ADAMTS19: variants seen among roughly 807,000 people sequenced by gnomAD.
ADAMTS19 encodes the protein A disintegrin and metalloproteinase with thrombospondin motifs 19.
A neutral mutation model predicts 153.3 loss-of-function variants in ADAMTS19; 93 were observed. The ratio of observed to expected loss-of-function variants is 0.61; its 90% CI spans 0.51 to 0.72. ADAMTS19 has a LOEUF of 0.72. ADAMTS19 is among the 30% of genes least tolerant of loss of function. The pLI is 0.00. For synonymous variants in ADAMTS19, 600 were observed against 556.6 expected (o/e 1.08, Z -1.10); for missense variants, 1,482 against 1,552.1 (o/e 0.95, Z 0.76).
intron 18 of ADAMTS19, among the ~76,000 whole-genome samples, chr5:129,686,906 T>C (rs1416204647): frequency 6.6e-6 from 1 of 152,154 alleles, no homozygotes; most frequent in Non-Finnish European, 1.5e-5. Flanking sequence ...TCAGTGGCCA[T>C]GTTTCTCTTC....
chr5:129,616,386 C>T (rs982377741), intron 8 of ADAMTS19, among the ~76,000 whole-genome samples: 1 of 151,840 alleles, frequency 6.6e-6, no homozygotes, highest in Admixed American at 6.6e-5. Context: ...TCATAAAATG[C>T]TTAATGTATT....
In ADAMTS19 at chr5:129,497,111, T is replaced by C. The variant is rs1424896846; in HGVS notation, c.748-11966T>C. Among the ~76,000 whole-genome samples the C allele has an allele frequency of 3.3e-5, 5 of 152,164 alleles. No individual in the cohort carries two copies. In the South Asian group the frequency reaches 6.2e-4, roughly 19 times the overall value. On this transcript the variant is annotated intron_variant, in intron 2 of 22. Coordinates refer to ENST00000274487, the MANE Select transcript of ADAMTS19 (RefSeq NM_133638.6). ...AAATTTTAAGCCTGAGCAATGTGGGTTAGACACGGGCAGGAGCTTCCTCCG... is the reference window on the plus strand; with the variant it reads ...AAATTTTAAGCCTGAGCAATGTGGGCTAGACACGGGCAGGAGCTTCCTCCG...
rs1023129386 is a variant in ADAMTS19, at chr5:129,738,162, A to G, written c.*944A>G. ...TTCCCTAGGAACAAGGAAAAACAGA[A>G]AGCATATAATACGGTGGTCGTTTCA... On this transcript the variant is annotated 3_prime_UTR_variant, in exon 23 of 23. Coordinates refer to ENST00000274487, the MANE Select transcript of ADAMTS19 (RefSeq NM_133638.6). 6.6e-6 allele frequency: 1 copy of G among 152,390 alleles called. No homozygotes were observed. 9.4% of individuals were successfully genotyped at this position (152,390 alleles called of 1,614,324 possible).
chr5:129,679,499 A>T (rs187635158), intron 16 of ADAMTS19, among the ~76,000 whole-genome samples: 3 of 152,332 alleles, frequency 2.0e-5, no homozygotes, highest in Admixed American at 2.0e-4. Flanking sequence ...AATAAGGAAT[A>T]TATACATCAA....
At chr5:129,599,371 T>A (rs1257285418) in intron 8 of ADAMTS19, among the ~76,000 whole-genome samples, 1 of 152,150 alleles carries the variant, frequency 6.6e-6, no homozygotes, top group Admixed American at 6.5e-5. Context: ...ATAATTCTCA[T>A]AAAATACAGA....
At chr5:129,592,273 G>T (rs1274404664) in intron 7 of ADAMTS19, among the ~76,000 whole-genome samples, 1 of 151,548 alleles carries the variant, frequency 6.6e-6, no homozygotes, top group Admixed American at 6.6e-5. Context: ...CCAGCTACTT[G>T]GGAGGCTGAG....
intron 14 of ADAMTS19, among the ~76,000 whole-genome samples, chr5:129,658,367 A>AGGG (rs1753676769): frequency 7.8e-6 from 1 of 128,016 alleles, no homozygotes; most frequent in African/African-American, 3.3e-5. Context: ...GAAAGAAAGA[A>AGGG]AGAGAGAGAG....
intron 17 of ADAMTS19, among the ~76,000 whole-genome samples, chr5:129,682,050 A>T (rs1312391766): frequency 6.6e-6 from 1 of 152,140 alleles, no homozygotes; most frequent in Admixed American, 6.6e-5. Context: ...ACTAAGCTTC[A>T]AATTCAGAAT....
At chr5:129,527,993 C>T (rs1225731311) in intron 5 of ADAMTS19, among the ~76,000 whole-genome samples, 162 bp downstream of exon 5, 2 of 151,784 alleles carry the variant, frequency 1.3e-5, no homozygotes, top group African/African-American at 4.8e-5. Flanking sequence ...GTTAATGCCC[C>T]GATCTTATTT....
At chr5:129,476,575 A>G (rs956311317) in intron 2 of ADAMTS19, among the ~76,000 whole-genome samples, 4 of 152,192 alleles carry the variant, frequency 2.6e-5, no homozygotes, top group African/African-American at 4.8e-5. Flanking sequence ...AAATTATTGT[A>G]TGTGTTTAGT....
chr5:129,608,217 T>C (rs1397166858), intron 8 of ADAMTS19, among the ~76,000 whole-genome samples: 1 of 149,590 alleles, frequency 6.7e-6, no homozygotes, highest in Non-Finnish European at 1.5e-5. Context: ...GAGGGTATTT[T>C]GCTAAGTGAA....
At chr5:129,690,338 G>T (rs1043814961) in intron 18 of ADAMTS19, among the ~76,000 whole-genome samples, 6 of 152,236 alleles carry the variant, frequency 3.9e-5, no homozygotes, top group African/African-American at 1.4e-4. Context: ...AAAGTATGAG[G>T]ATTGGTGGGT....
At chr5:129,522,623 A>G (rs928487725) in intron 3 of ADAMTS19, among the ~76,000 whole-genome samples, 1 of 151,984 alleles carries the variant, frequency 6.6e-6, no homozygotes, top group Admixed American at 6.6e-5. Context: ...TGCTAGAAAA[A>G]ATGAGAAACA....
intron 15 of ADAMTS19, 63 bp downstream of exon 15, chr5:129,658,800 T>C (rs1581196845): frequency 6.8e-7 from 1 of 1,475,478 alleles, no homozygotes; most frequent in East Asian, 2.3e-5. Context: ...ACAGATTATA[T>C]TGAATTTAAC....
intron 12 of ADAMTS19, among the ~76,000 whole-genome samples, chr5:129,648,432 A>T (rs1239948021): frequency 2.6e-5 from 4 of 152,092 alleles, no homozygotes; most frequent in African/African-American, 9.7e-5. Context: ...AGTCTTAAAG[A>T]ATTTATATGA....
chr5:129,561,245 G>A lies in ADAMTS19; in HGVS notation c.1372+9338G>A, dbSNP rs533383170. Among the ~76,000 whole-genome samples, 132 of 152,306 alleles carry A rather than the reference G, an allele frequency of 8.7e-4. 1 individual carries two copies. The highest frequency in any genetic ancestry group is 2.8e-3 in the African/African-American group (117 of 41,568). On this transcript the variant is annotated intron_variant, in intron 7 of 22. Coordinates refer to ENST00000274487, the MANE Select transcript of ADAMTS19 (RefSeq NM_133638.6). ...CTGAATTTCATATCTACTTCTGCAT[G>A]TAAGATGTTTCTGTATGTTATTACG...
intron 20 of ADAMTS19, 32 bp downstream of exon 20, chr5:129,701,624 C>A (rs576477336): frequency 6.2e-7 from 1 of 1,607,732 alleles, no homozygotes; most frequent in South Asian, 1.1e-5. Context: ...TTCCCCATTC[C>A]TACTCTGACT....
At chr5:129,482,144 T>C (rs916060189) in intron 2 of ADAMTS19, among the ~76,000 whole-genome samples, 2 of 152,166 alleles carry the variant, frequency 1.3e-5, no homozygotes, top group Non-Finnish European at 2.9e-5. Flanking sequence ...AAATACAATA[T>C]ATTGGAAGAC....
At chr5:129,624,208 C>T (rs1751919936) in intron 10 of ADAMTS19, among the ~76,000 whole-genome samples, 1 of 145,702 alleles carries the variant, frequency 6.9e-6, no homozygotes, top group South Asian at 2.3e-4. Context: ...TAATTGTGAT[C>T]TAATTCCAAA....
Sources: gnomAD v4.1 joint callset for allele counts (sites outside exome capture counted in the v4.1 genomes callset) on GRCh38, gnomAD v4.1.1 for gene constraint, MANE v1.5 for transcripts, NCBI Gene and HGNC (gene_info 2026-07-23, HGNC 2026-07-21) for gene names.